The following PAK5 variants were observed in gnomAD, a reference collection of about 807,000 sequenced individuals.
PAK5 encodes serine/threonine-protein kinase PAK 5.
In PAK5, 16 loss-of-function variants were observed where a neutral mutation model predicts 65.9. That is an observed-to-expected ratio of 0.24 (90% CI 0.16 to 0.37). The LOEUF (loss-of-function observed/expected upper bound fraction) is 0.37. Among genes scored for constraint, PAK5 ranks in the 10% least tolerant of loss-of-function variants. The pLI is 1.00. For missense variants in PAK5, 785 were observed against 903.9 expected, an observed-to-expected ratio of 0.87 and a Z score of 1.69; for synonymous variants, 371 against 354.9, an observed-to-expected ratio of 1.05 and a Z score of -0.51.
chr20:9,645,677 C>T (rs946835624), intron 2 of PAK5, among the ~76,000 whole-genome samples: 3 of 152,024 alleles, frequency 2.0e-5, no homozygotes, highest in South Asian at 2.1e-4. Flanking sequence ...CTCTGCCTCC[C>T]GGGTTCACAC....
chr20:9,648,152 T>G (rs938330926), intron 2 of PAK5, among the ~76,000 whole-genome samples: 9 of 152,182 alleles, frequency 5.9e-5, no homozygotes, highest in African/African-American at 1.9e-4. Context: ...CTCATAGGAC[T>G]CTGCATACAG....
At chr20:9,628,091 A>C (rs1282792991) in intron 3 of PAK5, among the ~76,000 whole-genome samples, 6 of 152,224 alleles carry the variant, frequency 3.9e-5, no homozygotes, top group Non-Finnish European at 8.8e-5. Context: ...TCTCTTCTTA[A>C]AAAAGGGAAT....
At chr20:9,548,227 G>A (rs2122910713) in intron 7 of PAK5, among the ~76,000 whole-genome samples, 1 of 152,242 alleles carries the variant, frequency 6.6e-6, no homozygotes, top group South Asian at 2.1e-4. Flanking sequence ...AAATCAGAAA[G>A]AGGTGGTTAT....
intron 4 of PAK5, chr20:9,577,342 A>C (rs2045902545): frequency 6.6e-6 from 1 of 151,886 alleles, no homozygotes; most frequent in African/African-American, 2.4e-5. Flanking sequence ...GTTAACATTA[A>C]TCTTTTTTTT....
chr20:9,815,918 T>C (rs1234877792), intron 1 of PAK5, among the ~76,000 whole-genome samples: 1 of 152,196 alleles, frequency 6.6e-6, no homozygotes, highest in Non-Finnish European at 1.5e-5. Context: ...CTTCTCATAA[T>C]GAAGGTTGCT....
rs568777179 is a variant in PAK5 at position 9,635,327 on chromosome 20, G to A, written c.204+8798C>T. ...ACCCTTAAATAAATCAATTCATTTTGTATTAGGACAATTTCTTGATCTGAG... is the reference window on the plus strand; with the variant it reads ...ACCCTTAAATAAATCAATTCATTTTATATTAGGACAATTTCTTGATCTGAG... On this transcript the variant is annotated intron_variant, in intron 3 of 9. Transcript: ENST00000353224. Among the ~76,000 whole-genome samples the A allele has an allele frequency of 1.1e-4, 16 of 152,048 alleles. 1 individual carries two copies. The highest frequency in any genetic ancestry group is 7.2e-4 in the Admixed American group (11 of 15,268).
intron 4 of PAK5, among the ~76,000 whole-genome samples, chr20:9,568,410 T>C (rs1159630404): frequency 6.6e-6 from 1 of 152,144 alleles, no homozygotes; most frequent in Non-Finnish European, 1.5e-5. Flanking sequence ...TATCAGGATT[T>C]TGGCCTAAGC....
intron 4 of PAK5, among the ~76,000 whole-genome samples, chr20:9,573,495 CCT>C (rs2045828989): frequency 6.6e-6 from 1 of 152,210 alleles, no homozygotes; most frequent in African/African-American, 2.4e-5. Context: ...CCAGAATTCC[CCT>C]GATCCATGTT....
intron 2 of PAK5, among the ~76,000 whole-genome samples, chr20:9,710,610 G>A (rs1352983555): frequency 1.3e-5 from 2 of 152,040 alleles, no homozygotes; most frequent in African/African-American, 4.8e-5. Context: ...CCTGCGTGGG[G>A]GGTAGTACCC....
At chr20:9,741,663 GTAACACTGA>G (rs1456661695) in intron 1 of PAK5, among the ~76,000 whole-genome samples, 1 of 152,110 alleles carries the variant, frequency 6.6e-6, no homozygotes, top group Non-Finnish European at 1.5e-5. Flanking sequence ...GACAACATCT[GTAACACTGA>G]TTTAAAAACC....
intron 1 of PAK5, among the ~76,000 whole-genome samples, chr20:9,806,118 A>G (rs2049229252): frequency 6.6e-6 from 1 of 151,676 alleles, no homozygotes; most frequent in African/African-American, 2.4e-5. Context: ...GCATGCAACA[A>G]CATGCCCAGC....
intron 1 of PAK5, among the ~76,000 whole-genome samples, chr20:9,762,416 CAAATA>C (rs1188084152): frequency 6.6e-6 from 1 of 151,936 alleles, no homozygotes; most frequent in Non-Finnish European, 1.5e-5. Context: ...AACTCAATAG[CAAATA>C]AAATAAAACA....
At chr20:9,651,438 T>C (rs146150902) in intron 2 of PAK5, among the ~76,000 whole-genome samples, 2 of 152,312 alleles carry the variant, frequency 1.3e-5, no homozygotes, top group East Asian at 3.9e-4. Flanking sequence ...ACTTGACCCC[T>C]ATTACAAATT....
At chr20:9,560,846 G>A (rs541489273) in intron 6 of PAK5, among the ~76,000 whole-genome samples, 14 of 152,168 alleles carry the variant, frequency 9.2e-5, no homozygotes, top group Non-Finnish European at 1.3e-4. Flanking sequence ...GACGTAACAA[G>A]ATGTTAAGTT....
intron 2 of PAK5, among the ~76,000 whole-genome samples, chr20:9,695,437 A>C (rs1438344142): frequency 6.6e-6 from 1 of 152,080 alleles, no homozygotes; most frequent in African/African-American, 2.4e-5. Context: ...GCTCCCACCA[A>C]GTTCATAAAT....
chr20:9,751,870 G>A lies in PAK5; in HGVS notation c.-161-40435C>T, dbSNP rs371845497. ...GTTTTGTTTTTAGTAAAAAATTCAT[G>A]TAGGGAGTCTGCTCTGTAAGACATC... On this transcript the variant is annotated intron_variant, in intron 1 of 9. Coordinates refer to ENST00000353224, the MANE Select transcript of PAK5 (RefSeq NM_177990.4). 3.0e-4 allele frequency among the ~76,000 whole-genome samples: 45 copies of A among 152,268 alleles called. No homozygotes were observed. In the South Asian group the frequency reaches 7.9e-3, roughly 27 times the overall value.
intron 1 of PAK5, among the ~76,000 whole-genome samples, chr20:9,794,715 C>T (rs1237836606): frequency 6.6e-6 from 1 of 151,920 alleles, no homozygotes; most frequent in Non-Finnish European, 1.5e-5. Context: ...ATTGAGTTTC[C>T]CTGTTTTTGG....
chr20:9,541,415 C>T (rs1568951998), intron 9 of PAK5, among the ~76,000 whole-genome samples: 1 of 152,126 alleles, frequency 6.6e-6, no homozygotes, highest in African/African-American at 2.4e-5. Context: ...AGAAAAGACC[C>T]CACTCGGTCT....
rs566867959 is a variant in PAK5, at chr20:9,685,603, C to A, written c.-12+25683G>T. 2.0e-5 allele frequency among the ~76,000 whole-genome samples: 3 copies of A among 152,272 alleles called. No individual in the cohort carries two copies. In the East Asian group the frequency reaches 5.8e-4, roughly 29 times the overall value. On this transcript the variant is annotated intron_variant, in intron 2 of 9. Transcript: ENST00000353224. ...ACACCTTGATCTTGAACTTCCAGCT[C>A]CAGAACTTGGAAACAATAAATTTCA...
Sources: gnomAD v4.1 joint callset for allele counts (sites outside exome capture counted in the v4.1 genomes callset) on GRCh38, gnomAD v4.1.1 for gene constraint, MANE v1.5 for transcripts, NCBI Gene and HGNC (gene_info 2026-07-23, HGNC 2026-07-21) for gene names.